Variants in CSMD1 observed in about 807,000 individuals in gnomAD.
CSMD1 encodes the protein CUB and Sushi multiple domains 1.
Under a neutral mutation model 417.5 loss-of-function variants are expected in CSMD1, and 213 were observed. The observed-to-expected ratio is 0.51, with a 90% CI of 0.46 to 0.57. The LOEUF (loss-of-function observed/expected upper bound fraction) is 0.57. Ranked by LOEUF, CSMD1 falls within the 20% of genes least tolerant of loss-of-function variation. The pLI, the probability that CSMD1 is intolerant of heterozygous loss-of-function variation, is 0.00. For synonymous variants in CSMD1, 2,862 were observed against 1,736.8 expected (o/e 1.65, Z -16.11); for missense variants, 6,923 against 4,529.7 (o/e 1.53, Z -15.17).
chr8:3,569,679 C>T (rs1799865980), intron 10 of CSMD1, among the ~76,000 whole-genome samples: 1 of 152,152 alleles, frequency 6.6e-6, no homozygotes, highest in Non-Finnish European at 1.5e-5. Flanking sequence ...ACACTTTCAT[C>T]AACGTGCACT....
rs143425466 is a variant in CSMD1, at chr8:3,026,938, C to T, written c.7855+2381G>A. On this transcript the variant is annotated intron_variant, in intron 51 of 69. Transcript: ENST00000635120. ...GACTTCTGTACTCTGATGTCATTTC[C>T]AAAACATTGAGGCAAGAGATAAAAA... 4.4e-3 allele frequency among the ~76,000 whole-genome samples: 666 copies of T among 152,034 alleles called. 5 individuals carry two copies. Among genetic ancestry groups the T allele is most frequent in the African/African-American group, 0.015 (634 of 41,458 alleles).
chr8:3,966,678 T>TC (rs1219976763), intron 5 of CSMD1, among the ~76,000 whole-genome samples: 1 of 152,178 alleles, frequency 6.6e-6, no homozygotes, highest in Non-Finnish European at 1.5e-5. Flanking sequence ...TTTCATGCTA[T>TC]CTGCCACCAC....
chr8:3,410,787 G>A (rs562440005), intron 12 of CSMD1, among the ~76,000 whole-genome samples: 29 of 152,040 alleles, frequency 1.9e-4, no homozygotes, highest in Non-Finnish European at 2.5e-4. Flanking sequence ...TGTCCAGGCC[G>A]GAGTGCAGTG....
chr8:3,725,697 C>A (rs1308742371), intron 6 of CSMD1, among the ~76,000 whole-genome samples: 1 of 148,278 alleles, frequency 6.7e-6, no homozygotes, highest in African/African-American at 2.5e-5. Context: ...GCAGCCACCA[C>A]TGCAATGAGA....
chr8:3,398,427 A>G (rs963593519), intron 16 of CSMD1, among the ~76,000 whole-genome samples: 2 of 152,236 alleles, frequency 1.3e-5, no homozygotes, highest in African/African-American at 2.4e-5. Context: ...GTGAAAAAAT[A>G]AAAATAATTA....
chr8:4,841,046 T>G (rs1800810703), intron 1 of CSMD1, among the ~76,000 whole-genome samples: 3 of 152,228 alleles, frequency 2.0e-5, no homozygotes, highest in Admixed American at 6.5e-5. Flanking sequence ...AGCACCAACG[T>G]TCTTCCTGTA....
intron 50 of CSMD1, among the ~76,000 whole-genome samples, chr8:3,037,401 G>A (rs534427537): frequency 1.3e-5 from 2 of 151,208 alleles, no homozygotes; most frequent in Non-Finnish European, 3.0e-5. Context: ...GTAGAGATGG[G>A]GTTTCACCGT....
intron 2 of CSMD1, among the ~76,000 whole-genome samples, chr8:4,451,382 A>G (rs796984447): frequency 3.9e-5 from 6 of 152,292 alleles, no homozygotes; most frequent in African/African-American, 1.4e-4. Context: ...TGTTTATGGA[A>G]GATAATTATT....
intron 2 of CSMD1, among the ~76,000 whole-genome samples, chr8:4,519,361 G>T (rs567661511): frequency 3.3e-5 from 5 of 151,920 alleles, no homozygotes; most frequent in South Asian, 2.1e-4. Flanking sequence ...AAAAAGAAAA[G>T]AATCAAAATG....
intron 1 of CSMD1, among the ~76,000 whole-genome samples, chr8:4,746,342 G>C (rs541453720): frequency 1.2e-4 from 18 of 152,306 alleles, no homozygotes; most frequent in Non-Finnish European, 2.1e-4. Context: ...ACTTTGGCAG[G>C]GGTTCAAGGG....
chr8:3,591,786 TAGATGGAA>T (rs548537581), intron 8 of CSMD1, among the ~76,000 whole-genome samples: 16,406 of 152,002 alleles, frequency 0.11, 1,092 homozygotes, highest in Non-Finnish European at 0.14. Flanking sequence ...GATGGATGGA[TAGATGGAA>T]AGATGGAAAG....
intron 1 of CSMD1, among the ~76,000 whole-genome samples, chr8:4,761,937 A>ATCTT (rs1324987408): frequency 1.3e-5 from 2 of 149,630 alleles, no homozygotes; most frequent in African/African-American, 5.0e-5. Context: ...CTATCTATCT[A>ATCTT]TCTATCTATC....
chr8:4,717,082 C>T (rs1808704250), intron 1 of CSMD1, among the ~76,000 whole-genome samples: 2 of 151,850 alleles, frequency 1.3e-5, no homozygotes, highest in South Asian at 2.1e-4. Context: ...CTACCTTCTT[C>T]CCTCTCTGCC....
intron 51 of CSMD1, 36 bp from the exon 52 acceptor site, chr8:3,018,686 G>A (rs756112581): frequency 6.3e-7 from 1 of 1,580,566 alleles, no homozygotes; most frequent in Non-Finnish European, 8.7e-7. Context: ...CATCAATTCA[G>A]TTATGCAGAT....
At chr8:4,900,825 T>A (rs956768372) in intron 1 of CSMD1, among the ~76,000 whole-genome samples, 1 of 152,234 alleles carries the variant, frequency 6.6e-6, no homozygotes, top group Admixed American at 6.5e-5. Flanking sequence ...ACATGAATTC[T>A]CACGGCTCTA....
At chr8:4,442,605 A>T (rs1164425876) in intron 2 of CSMD1, among the ~76,000 whole-genome samples, 3 of 152,218 alleles carry the variant, frequency 2.0e-5, no homozygotes, top group African/African-American at 7.2e-5. Flanking sequence ...AATTGGCTAG[A>T]AAAACAGAAG....
chr8:4,433,648 T>C (rs115214332), intron 2 of CSMD1, among the ~76,000 whole-genome samples: 43 of 152,298 alleles, frequency 2.8e-4, no homozygotes, highest in African/African-American at 1.0e-3. Flanking sequence ...AAATCTGCCC[T>C]TGTCTGAAAG....
At chr8:3,712,375 G>GGAGAGAGAGAGA (rs746268570) in intron 6 of CSMD1, among the ~76,000 whole-genome samples, 2 of 112,286 alleles carry the variant, frequency 1.8e-5, no homozygotes, top group African/African-American at 3.5e-5. Context: ...CAAAGAAACA[G>GGAGAGAGAGAGA]GAGAGAGAGA....
chr8:2,985,480 A>G lies in CSMD1; in HGVS notation c.8378-6680T>C, dbSNP rs137999638. Among the ~76,000 whole-genome samples the G allele has an allele frequency of 1.4e-3, 218 of 151,114 alleles. 5 individuals are homozygous for G. Among genetic ancestry groups the G allele is most frequent in the Middle Eastern group, 0.01 (3 of 294 alleles). The stretch of plus-strand genomic sequence containing the variant: ...GGGAGGAGACTGGTGTGATACTGCT[A>G]CACTGTTTCACCACTTTCCTTACAA... On this transcript the variant is annotated intron_variant, in intron 54 of 69. Transcript: ENST00000635120.
Sources: allele counts gnomAD v4.1 joint callset (sites outside exome capture counted in the v4.1 genomes callset), GRCh38; gene constraint gnomAD v4.1.1; transcripts MANE v1.5; gene names NCBI Gene and HGNC (gene_info 2026-07-23, HGNC 2026-07-21).